Variants in FAM161A observed in about 807,000 individuals in gnomAD.
FAM161A encodes protein FAM161A.
In FAM161A, 57 loss-of-function variants were observed where a neutral mutation model predicts 70.9. The ratio of observed to expected loss-of-function variants is 0.80; its 90% CI spans 0.65 to 1.00. The LOEUF is 1.00. FAM161A is among the 50% of genes least tolerant of loss of function. The pLI is 0.00. For synonymous variants in FAM161A, 299 were observed against 295.7 expected, an observed-to-expected ratio of 1.01 and a Z score of -0.12; for missense variants, 880 against 836.0, an observed-to-expected ratio of 1.05 and a Z score of -0.65.
chr2:61,848,886 T>TTA (rs1195508565), intron 1 of FAM161A, among the ~76,000 whole-genome samples: 1 of 2,004 alleles, frequency 5.0e-4, no homozygotes, highest in Non-Finnish European at 8.2e-4. Context: ...ATATATATAT[T>TTA]TATATATATT....
chr2:61,828,516 C>A (rs374349351), intron 5 of FAM161A, among the ~76,000 whole-genome samples: 1 of 151,958 alleles, frequency 6.6e-6, no homozygotes, highest in East Asian at 1.9e-4. Context: ...TTTTGTAGGA[C>A]GGGGCGTCAC....
chr2:61,833,405 G>A (rs1672654384), intron 5 of FAM161A, among the ~76,000 whole-genome samples: 1 of 140,992 alleles, frequency 7.1e-6, no homozygotes. Context: ...CAGCCTGGGT[G>A]ACAGAGTGAG....
Position 61,825,983 on chromosome 2 carries a change from G to A in FAM161A, c.*472C>T, listed in dbSNP as rs968698611. On this transcript the variant is annotated 3_prime_UTR_variant, in exon 7 of 7. Transcript: ENST00000404929. The stretch of plus-strand genomic sequence containing the variant: ...TGGCTCAGAGCAGCAAAACAAGTTA[G>A]AGGATTTATTCTGTGAAATGCACTG... 4.4e-6 allele frequency: 2 copies of A among 454,036 alleles called. No homozygotes were observed. Among genetic ancestry groups the A allele is most frequent in the African/African-American group, 4.0e-5 (2 of 49,950 alleles). The allele number at this position is 454,036 out of a possible 1,614,324, so 28.1% of individuals were successfully genotyped here.
chr2:61,845,612 C>T (rs904209482), intron 1 of FAM161A, among the ~76,000 whole-genome samples: 1 of 151,916 alleles, frequency 6.6e-6, no homozygotes, highest in Non-Finnish European at 1.5e-5. Context: ...TGCTTGAGGC[C>T]AGGAGTTCCA....
At chr2:61,804,696 AAGAG>A in the FAM161A span, among the ~76,000 whole-genome samples, 2 of 149,890 alleles carry the variant, frequency 1.3e-5, no homozygotes, top group Admixed American at 6.7e-5. Context: ...AGAGAGAAGA[AAGAG>A]AGAGAGAGAG....
intron 1 of FAM161A, among the ~76,000 whole-genome samples, chr2:61,843,080 T>C (rs1382611911): frequency 6.6e-6 from 1 of 152,198 alleles, no homozygotes; most frequent in African/African-American, 2.4e-5. Context: ...ATACAGATCA[T>C]GTTTAGAAGG....
chr2:61,840,372 T>C lies in FAM161A; in HGVS notation c.632A>G (p.Tyr211Cys), dbSNP rs1452470532. Residue 211 changes from tyrosine to cysteine, a missense_variant, in exon 3 of 7, where the codon TAT becomes TGT. Coordinates refer to ENST00000404929, the MANE Select transcript of FAM161A (RefSeq NM_001201543.2). ...GAAGCCAGTATCTTTACAGCGAATATAATCCTCAACACAAAAGTCTGTCCA... is the reference window on the plus strand; with the variant it reads ...GAAGCCAGTATCTTTACAGCGAATACAATCCTCAACACAAAAGTCTGTCCA... ...NMWTDFCVED[Y>C]IRCKDTGFHA... 9.9e-6 allele frequency: 16 copies of C among 1,614,056 alleles called. No homozygotes were observed. The highest frequency in any genetic ancestry group is 1.4e-5 in the Non-Finnish European group (16 of 1,180,034).
At position 61,825,229 on chromosome 2, in the gene FAM161A, A is replaced by C. The variant is rs965709254; in HGVS notation, c.*1226T>G. ...AAAACAAAAATTTGCTTAAAGAAAA[A>C]AATATAGATTTATAAAATCAGATTA... is the stretch of plus-strand genomic sequence containing the variant. On this transcript the variant is annotated 3_prime_UTR_variant, in exon 7 of 7. Transcript: ENST00000404929. The C allele has an allele frequency of 1.4e-5, 6 of 440,334 alleles. No individual in the cohort carries two copies. Among genetic ancestry groups the C allele is most frequent in the African/African-American group, 1.2e-4 (6 of 49,148 alleles). 27.3% of individuals were successfully genotyped at this position (440,334 alleles called of 1,614,324 possible).
Position 61,840,569 on chromosome 2 carries a change from T to G in FAM161A, c.435A>C (p.Glu145Asp), listed in dbSNP as rs202022070. 8.6e-5 allele frequency: 138 copies of G among 1,605,712 alleles called. No individual in the cohort carries two copies. Among genetic ancestry groups the G allele is most frequent in the Non-Finnish European group, 1.1e-4 (133 of 1,172,442 alleles). ...ATGAGACAGGGTGATAGGAGTTCTTTTCTGATACAGATCTAAATGAGAAGA... is the reference window on the plus strand; with the variant it reads ...ATGAGACAGGGTGATAGGAGTTCTTGTCTGATACAGATCTAAATGAGAAGA... The part of the protein sequence containing the change: ...SLSDSSRSVS[E>D]KNSYHPVSLM... The change falls in exon 3 of 7, where the codon GAA (glutamate) becomes GAC (aspartate). Residue 145 changes from glutamate (E) to aspartate (D), a missense_variant. By Grantham distance (45) the Glu-to-Asp change is conservative (BLOSUM62 2). Coordinates refer to ENST00000404929, the MANE Select transcript of FAM161A (RefSeq NM_001201543.2).
At chr2:61,823,436 C>G (rs1200802559), downstream of FAM161A, among the ~76,000 whole-genome samples, 3 of 148,932 alleles carry the variant, frequency 2.0e-5, no homozygotes, top group Non-Finnish European at 4.5e-5. Context: ...GTGATCAGGG[C>G]TCACTGCAGC....
the FAM161A span, among the ~76,000 whole-genome samples, chr2:61,811,216 G>A: frequency 1.3e-5 from 2 of 151,998 alleles, no homozygotes; most frequent in African/African-American, 4.8e-5. Flanking sequence ...ATTTTTTTAT[G>A]AGACAGAGTC....
chr2:61,833,525 T>C (rs1486311452), intron 5 of FAM161A, among the ~76,000 whole-genome samples: 3 of 151,946 alleles, frequency 2.0e-5, no homozygotes, highest in African/African-American at 7.3e-5. Flanking sequence ...CTAACTGTGA[T>C]AGAGCTGACT....
intron 1 of FAM161A, among the ~76,000 whole-genome samples, chr2:61,850,268 C>T (rs1273524293): frequency 5.3e-5 from 8 of 151,836 alleles, no homozygotes; most frequent in Middle Eastern, 3.4e-3. Flanking sequence ...TGGTGGCACA[C>T]GCCTGTAATC....
downstream of FAM161A, among the ~76,000 whole-genome samples, chr2:61,820,960 G>A (rs1168013504): frequency 6.6e-6 from 1 of 152,056 alleles, no homozygotes; most frequent in African/African-American, 2.4e-5. Context: ...CTACTCCCAG[G>A]CTCTTAGAGG....
At chr2:61,823,258 G>A (rs1476225862), downstream of FAM161A, among the ~76,000 whole-genome samples, 1 of 150,646 alleles carries the variant, frequency 6.6e-6, no homozygotes, top group African/African-American at 2.4e-5. Context: ...ACTTGAACCT[G>A]GGTGGCAGGG....
At chr2:61,816,661 G>T in the FAM161A span, among the ~76,000 whole-genome samples, 2 of 152,034 alleles carry the variant, frequency 1.3e-5, no homozygotes, top group Admixed American at 6.6e-5. Context: ...CGGGGCGGGG[G>T]GGTCTTGCTA....
chr2:61,827,095 A>C lies in FAM161A; in HGVS notation c.2006+9T>G. 6.2e-7 allele frequency: 1 copy of C among 1,613,192 alleles called. No homozygotes were observed. The highest frequency in any genetic ancestry group is 8.5e-7 in the Non-Finnish European group (1 of 1,179,726). ...AAGGTAAGCCATTCAGACATCTTAT[A>C]TATGTTACCTTTCTTTGTCTTCAGT... On this transcript the variant is annotated intron_variant, in intron 6 of 6. Coordinates refer to ENST00000404929, the MANE Select transcript of FAM161A (RefSeq NM_001201543.2).
intron 5 of FAM161A, among the ~76,000 whole-genome samples, chr2:61,834,226 T>C (rs35418138): frequency 0.37 from 56,026 of 151,890 alleles, 11,011 homozygotes; most frequent in East Asian, 0.68. Context: ...CTGGAAGCCA[T>C]TATCCTAAGC....
chr2:61,838,888 A>ATTTTTTTTTT (rs962221306), intron 3 of FAM161A, among the ~76,000 whole-genome samples, 183 bp from the exon 4 acceptor site: 4 of 118,144 alleles, frequency 3.4e-5, no homozygotes, highest in African/African-American at 1.2e-4. Flanking sequence ...TTATTTATTT[A>ATTTTTTTTTT]TTTATTTTTT....
Sources: allele counts gnomAD v4.1 joint callset (sites outside exome capture counted in the v4.1 genomes callset), GRCh38; gene constraint gnomAD v4.1.1; transcripts MANE v1.5; gene names NCBI Gene and HGNC (gene_info 2026-07-23, HGNC 2026-07-21).